The following MARCHF1 variants were observed in gnomAD, a reference collection of about 807,000 sequenced individuals.
The protein encoded by MARCHF1 is E3 ubiquitin-protein ligase MARCHF1.
A neutral mutation model predicts 54.2 loss-of-function variants in MARCHF1; 40 were observed. The ratio of observed to expected loss-of-function variants is 0.74; its 90% CI spans 0.57 to 0.96. MARCHF1 has a LOEUF of 0.96. MARCHF1 is among the 40% of genes least tolerant of loss of function. The probability of loss-of-function intolerance (pLI) is 0.00; values close to 1 mark genes in which losing one functional copy is unlikely to be tolerated. For missense variants in MARCHF1, 586 were observed against 656.5 expected, an observed-to-expected ratio of 0.89 and a Z score of 1.17; for synonymous variants, 236 against 236.3, an observed-to-expected ratio of 1.00 and a Z score of 0.01.
chr4:163,635,774 A>G (rs1374961739), intron 5 of MARCHF1, among the ~76,000 whole-genome samples: 2 of 152,166 alleles, frequency 1.3e-5, no homozygotes, highest in African/African-American at 2.4e-5. Flanking sequence ...TACCAAAGCC[A>G]GGCAGACACA....
chr4:163,924,541 T>C (rs1404812627), intron 3 of MARCHF1, among the ~76,000 whole-genome samples: 1 of 152,056 alleles, frequency 6.6e-6, no homozygotes, highest in East Asian at 1.9e-4. Context: ...TCACTTTTAC[T>C]TTCTTTCCAA....
chr4:164,089,923 T>G (rs1476388156), intron 2 of MARCHF1, among the ~76,000 whole-genome samples: 2 of 151,590 alleles, frequency 1.3e-5, no homozygotes, highest in African/African-American at 4.8e-5. Context: ...TCTGCCTCCT[T>G]GAGCAAATTT....
chr4:164,040,533 G>GT (rs539292762), intron 2 of MARCHF1, among the ~76,000 whole-genome samples: 9 of 150,082 alleles, frequency 6.0e-5, no homozygotes, highest in East Asian at 1.9e-4. Context: ...AAAAGATAAA[G>GT]TTTTTTTTGA....
intron 3 of MARCHF1, among the ~76,000 whole-genome samples, chr4:163,897,020 G>A (rs926109753): frequency 1.3e-5 from 2 of 151,958 alleles, no homozygotes; most frequent in African/African-American, 4.8e-5. Context: ...TCTACTACTC[G>A]TGAATAATTA....
intron 1 of MARCHF1, among the ~76,000 whole-genome samples, chr4:164,181,184 A>T (rs1361480703): frequency 3.3e-5 from 5 of 152,064 alleles, no homozygotes. Flanking sequence ...CTCCCTCCAC[A>T]AAACATTTGT....
intron 1 of MARCHF1, among the ~76,000 whole-genome samples, chr4:164,177,816 C>G (rs1015795536): frequency 4.0e-5 from 6 of 150,598 alleles, no homozygotes; most frequent in Non-Finnish European, 8.9e-5. Flanking sequence ...GACACACACA[C>G]ACACACACAC....
intron 3 of MARCHF1, among the ~76,000 whole-genome samples, chr4:163,900,103 A>G (rs1750905321): frequency 6.6e-6 from 1 of 152,096 alleles, no homozygotes; most frequent in East Asian, 1.9e-4. Context: ...TCAAGATTTT[A>G]TTTATAATCT....
At chr4:164,305,259 G>GAAATTAC (rs1401827312) in intron 1 of MARCHF1, among the ~76,000 whole-genome samples, 3 of 152,094 alleles carry the variant, frequency 2.0e-5, no homozygotes, top group African/African-American at 7.2e-5. Flanking sequence ...GTATAGATAT[G>GAAATTAC]AAATTACAAA....
chr4:164,314,297 G>A (rs1734941806), intron 1 of MARCHF1, among the ~76,000 whole-genome samples: 1 of 152,170 alleles, frequency 6.6e-6, no homozygotes, highest in Admixed American at 6.5e-5. Flanking sequence ...TAGCAAGAGA[G>A]AGCCATATAA....
chr4:163,889,843 T>C, intron 3 of MARCHF1, among the ~76,000 whole-genome samples: 1 of 130,686 alleles, frequency 7.7e-6, no homozygotes, highest in African/African-American at 2.7e-5. Flanking sequence ...GCCAAATCAC[T>C]ACCTGCAGAT....
chr4:163,855,065 T>C (rs946174626), intron 3 of MARCHF1, among the ~76,000 whole-genome samples: 3 of 152,196 alleles, frequency 2.0e-5, no homozygotes, highest in African/African-American at 7.2e-5. Context: ...TCTGGTCATT[T>C]ATAACATTTC....
At chr4:163,742,865 C>T (rs1579248640) in intron 4 of MARCHF1, among the ~76,000 whole-genome samples, 1 of 152,008 alleles carries the variant, frequency 6.6e-6, no homozygotes, top group Non-Finnish European at 1.5e-5. Flanking sequence ...TGTTAGGGGC[C>T]AAATATGGAC....
intron 3 of MARCHF1, among the ~76,000 whole-genome samples, chr4:163,957,446 T>A (rs1752253260): frequency 6.6e-6 from 1 of 152,038 alleles, no homozygotes; most frequent in Non-Finnish European, 1.5e-5. Flanking sequence ...ACAAAAGTTC[T>A]TATCAAGAAT....
intron 1 of MARCHF1, among the ~76,000 whole-genome samples, chr4:164,323,096 A>G (rs746891116): frequency 6.6e-6 from 1 of 151,898 alleles, no homozygotes; most frequent in African/African-American, 2.4e-5. Context: ...TAGTACTTTT[A>G]TGGAACACCA....
At chr4:163,898,724 A>C (rs973423932) in intron 3 of MARCHF1, among the ~76,000 whole-genome samples, 2 of 152,194 alleles carry the variant, frequency 1.3e-5, no homozygotes, top group African/African-American at 4.8e-5. Context: ...CATAAAAAAG[A>C]CACCTGCACT....
chr4:164,188,661 C>T, intron 1 of MARCHF1: 1 of 1,096,654 alleles, frequency 9.1e-7, no homozygotes, highest in South Asian at 1.2e-5. Flanking sequence ...GTCTTTGACG[C>T]CAAGTGGCTC....
chr4:164,082,828 A>C (rs1016023470), intron 2 of MARCHF1, among the ~76,000 whole-genome samples: 23 of 152,218 alleles, frequency 1.5e-4, no homozygotes, highest in Admixed American at 1.2e-3. Flanking sequence ...GAGAAACCAG[A>C]TTTTAATGAA....
At chr4:163,554,612 C>G (rs1286557139) in intron 8 of MARCHF1, among the ~76,000 whole-genome samples, 2 of 152,118 alleles carry the variant, frequency 1.3e-5, no homozygotes, top group Non-Finnish European at 1.5e-5. Flanking sequence ...GTAACCTAAC[C>G]TCCTAATGCC....
At chr4:163,969,511 G>C (rs997950434) in intron 3 of MARCHF1, among the ~76,000 whole-genome samples, 1 of 152,148 alleles carries the variant, frequency 6.6e-6, no homozygotes, top group African/African-American at 2.4e-5. Flanking sequence ...ATGGTTTCCT[G>C]CTTTTACAGA....
Sources: allele counts gnomAD v4.1 joint callset (sites outside exome capture counted in the v4.1 genomes callset), GRCh38; gene constraint gnomAD v4.1.1; transcripts MANE v1.5; gene names NCBI Gene and HGNC (gene_info 2026-07-23, HGNC 2026-07-21).